Variants in ARL8B observed in about 807,000 individuals in gnomAD.
The protein encoded by ARL8B is ARF like GTPase 8B, also known as ADP-ribosylation factor-like protein 8B.
A neutral mutation model predicts 30.6 loss-of-function variants in ARL8B; 9 were observed. The observed-to-expected ratio is 0.29, with a 90% CI of 0.18 to 0.51. The LOEUF (loss-of-function observed/expected upper bound fraction) is 0.51. Among genes scored for constraint, ARL8B ranks in the 20% least tolerant of loss-of-function variants. ARL8B has a pLI of 0.97. For synonymous variants in ARL8B, 74 were observed against 76.0 expected (o/e 0.97, Z 0.14); for missense variants, 130 against 227.2 (o/e 0.57, Z 2.75).
chr3:5,139,434 GA>G (rs1033839728), intron 1 of ARL8B, among the ~76,000 whole-genome samples: 2 of 152,192 alleles, frequency 1.3e-5, no homozygotes, highest in Non-Finnish European at 2.9e-5. Context: ...CTTCCAGGTA[GA>G]AAAGAGCTGA....
intron 1 of ARL8B, among the ~76,000 whole-genome samples, chr3:5,127,675 C>G (rs2054241678): frequency 6.6e-6 from 1 of 151,972 alleles, no homozygotes; most frequent in South Asian, 2.1e-4. Flanking sequence ...AGATCAAGAC[C>G]ATCCTGGCTA....
At chr3:5,144,797 G>C (rs976146822) in intron 1 of ARL8B, among the ~76,000 whole-genome samples, 2 of 152,142 alleles carry the variant, frequency 1.3e-5, no homozygotes, top group Non-Finnish European at 2.9e-5. Flanking sequence ...GGCAACCTCT[G>C]CTGGAAGCTG....
chr3:5,135,880 A>G lies in ARL8B; in HGVS notation c.123+13292A>G, dbSNP rs562100297. ...TGGCTCACTGCAACCTCCACCTCCC[A>G]GGTTCACGCGATTCTCCTGTCTCAG... On this transcript the variant is annotated intron_variant, in intron 1 of 6. Coordinates refer to ENST00000256496, the MANE Select transcript of ARL8B (RefSeq NM_018184.3). Among the ~76,000 whole-genome samples the G allele has an allele frequency of 1.8e-4, 27 of 149,156 alleles. No homozygotes were observed. In the East Asian group the frequency reaches 5.2e-3, roughly 29 times the overall value.
At position 5,152,356 on chromosome 3, in the gene ARL8B, G is replaced by C. The variant is rs184277420; in HGVS notation, c.124-18147G>C. Among the ~76,000 whole-genome samples the C allele has an allele frequency of 1.9e-3, 294 of 152,032 alleles. 1 individual carries two copies. Among genetic ancestry groups the C allele is most frequent in the African/African-American group, 6.7e-3 (279 of 41,462 alleles). The stretch of plus-strand genomic sequence containing the variant: ...CTCTTTATCCTTGGTATATTTTCTT[G>C]CTTTGAAGTCGGCTTTTTCTTCTGA... On this transcript the variant is annotated intron_variant, in intron 1 of 6. Coordinates refer to ENST00000256496, the MANE Select transcript of ARL8B (RefSeq NM_018184.3).
Position 5,173,250 on chromosome 3 carries a change from A to C in ARL8B, c.372+510A>C, listed in dbSNP as rs142370601. ...GACAGTTGGAGGGGAAGAGAGTTCC[A>C]GGCAAAGGCCTTTGGGTGGGAGGAA... On this transcript the variant is annotated intron_variant, in intron 4 of 6. Coordinates refer to ENST00000256496, the MANE Select transcript of ARL8B (RefSeq NM_018184.3). Among the ~76,000 whole-genome samples, 103 of 152,340 alleles carry C rather than the reference A, an allele frequency of 6.8e-4. 1 individual carries two copies. Among genetic ancestry groups the C allele is most frequent in the African/African-American group, 2.4e-3 (101 of 41,584 alleles).
chr3:5,154,359 G>A (rs957438562), intron 1 of ARL8B, among the ~76,000 whole-genome samples: 29 of 124,598 alleles, frequency 2.3e-4, no homozygotes, highest in African/African-American at 1.1e-3. Flanking sequence ...TTTGAGACAG[G>A]GTCTCGCTGT....
rs901565194 is a variant in ARL8B at position 5,178,923 on chromosome 3, A to G, written c.*210A>G. The G allele has an allele frequency of 1.2e-6, 1 of 858,334 alleles. No individual in the cohort carries two copies. Among genetic ancestry groups the G allele is most frequent in the Non-Finnish European group, 1.6e-6 (1 of 609,868 alleles). 53.2% of individuals were successfully genotyped at this position (858,334 alleles called of 1,614,324 possible). ...TGTCATGATAAAGTCAGCACACACA[A>G]AAAGGCTTCTTACACATACCTGTCT... On this transcript the variant is annotated 3_prime_UTR_variant, in exon 7 of 7. Coordinates refer to ENST00000256496, the MANE Select transcript of ARL8B (RefSeq NM_018184.3).
intron 6 of ARL8B, 53 bp downstream of exon 6, chr3:5,174,467 C>G: frequency 8.6e-7 from 1 of 1,157,698 alleles, no homozygotes; most frequent in Non-Finnish European, 1.3e-6. Flanking sequence ...GAAGGAATGT[C>G]TATGCTTCTT....
chr3:5,164,227 T>G (rs2106567847), intron 1 of ARL8B, among the ~76,000 whole-genome samples: 1 of 152,358 alleles, frequency 6.6e-6, no homozygotes, highest in East Asian at 1.9e-4. Context: ...ACTTTAGTTA[T>G]AACTCTTCTA....
chr3:5,126,011 T>C (rs1258248870), intron 1 of ARL8B, among the ~76,000 whole-genome samples: 1 of 152,156 alleles, frequency 6.6e-6, no homozygotes, highest in East Asian at 1.9e-4. Flanking sequence ...CAATTATGAT[T>C]TGTCAATTAA....
rs756519543 is a variant in ARL8B, at chr3:5,180,257, T to A, written c.*1544T>A. On this transcript the variant is annotated 3_prime_UTR_variant, in exon 7 of 7. Coordinates refer to ENST00000256496, the MANE Select transcript of ARL8B (RefSeq NM_018184.3). ...TGCACTGTGTTGCACAGACACTACTTGCTTTTCTCCATTCATATTTTTATG... is the reference window on the plus strand; with the variant it reads ...TGCACTGTGTTGCACAGACACTACTAGCTTTTCTCCATTCATATTTTTATG... The A allele has an allele frequency of 2.0e-5, 3 of 152,668 alleles. No homozygotes were observed. Among genetic ancestry groups the A allele is most frequent in the Non-Finnish European group, 4.4e-5 (3 of 68,024 alleles). The allele number at this position is 152,668 out of a possible 1,614,324, so 9.5% of individuals were successfully genotyped here.
chr3:5,148,503 A>G (rs1327219771), intron 1 of ARL8B, among the ~76,000 whole-genome samples: 1 of 152,066 alleles, frequency 6.6e-6, no homozygotes, highest in African/African-American at 2.4e-5. Context: ...TTTCCTGTCC[A>G]CTATTTTGTG....
In ARL8B at chr3:5,174,402, A is replaced by G; in HGVS notation, c.499A>G (p.Lys167Glu). The change falls in exon 6 of 7, where the codon AAG becomes GAG. Residue 167 changes from lysine to glutamate, a missense_variant. Coordinates refer to ENST00000256496, the MANE Select transcript of ARL8B (RefSeq NM_018184.3). ...CTGCTATTCAATTTCTTGCAAAGAAAAGGATAATATAGGTAAGAAATGACT... is the reference window on the plus strand; with the variant it reads ...CTGCTATTCAATTTCTTGCAAAGAAGAGGATAATATAGGTAAGAAATGACT... Reference protein sequence around the residue: ...ICCYSISCKEKDNIDITLQWL... With the variant: ...ICCYSISCKEEDNIDITLQWL... The G allele has an allele frequency of 6.2e-7, 1 of 1,600,760 alleles. No homozygotes were observed. Among genetic ancestry groups the G allele is most frequent in the Non-Finnish European group, 8.6e-7 (1 of 1,168,276 alleles).
At chr3:5,137,880 G>A (rs1024947410) in intron 1 of ARL8B, among the ~76,000 whole-genome samples, 1 of 152,166 alleles carries the variant, frequency 6.6e-6, no homozygotes, top group Non-Finnish European at 1.5e-5. Flanking sequence ...GAGCCACTGT[G>A]CCTAGCCTGG....
rs1248381413 is a variant in ARL8B, at chr3:5,180,224, C to G, written c.*1511C>G. ...GCCATGGCCTTAAAAATATTCTGTA[C>G]AATATACTGCACTGTGTTGCACAGA... On this transcript the variant is annotated 3_prime_UTR_variant, in exon 7 of 7. Coordinates refer to ENST00000256496, the MANE Select transcript of ARL8B (RefSeq NM_018184.3). 1 of 152,626 alleles carries G rather than the reference C, an allele frequency of 6.6e-6. No homozygotes were observed. Among genetic ancestry groups the G allele is most frequent in the African/African-American group, 2.4e-5 (1 of 41,452 alleles). 9.5% of individuals were successfully genotyped at this position (152,626 alleles called of 1,614,324 possible). A position where few individuals can be genotyped will look rare whatever the true frequency, so the allele number is the denominator to read the frequency against.
chr3:5,140,019 C>T (rs1439213510), intron 1 of ARL8B, among the ~76,000 whole-genome samples: 1 of 139,210 alleles, frequency 7.2e-6, no homozygotes, highest in Non-Finnish European at 1.5e-5. Context: ...CGGAGTCTTG[C>T]TGTGTCGCCC....
rs755769192 is a variant in ARL8B at position 5,172,237 on chromosome 3, T to G, written c.278+14T>G. 3.1e-6 allele frequency: 5 copies of G among 1,601,934 alleles called. No homozygotes were observed. The East Asian group carries it at 6.7e-5, about 21-fold the overall frequency. On this transcript the variant is annotated intron_variant, in intron 3 of 6. Transcript: ENST00000256496. ...CAATGCTATTGTGTAAGTGGTTTTT[T>G]TTTGTTTGTTTGCTTTTAAATCAAT...
chr3:5,153,928 C>A, intron 1 of ARL8B, among the ~76,000 whole-genome samples: 1 of 148,998 alleles, frequency 6.7e-6, no homozygotes, highest in South Asian at 2.1e-4. Flanking sequence ...GACTGATAGT[C>A]TTTTTTTTTT....
intron 1 of ARL8B, among the ~76,000 whole-genome samples, chr3:5,148,076 G>T (rs773721324): frequency 1.4e-4 from 21 of 151,862 alleles, no homozygotes; most frequent in Non-Finnish European, 2.5e-4. Flanking sequence ...GCCTCTCCCA[G>T]ATGGTCATGG....
Sources: allele counts gnomAD v4.1 joint callset (sites outside exome capture counted in the v4.1 genomes callset), GRCh38; gene constraint gnomAD v4.1.1; transcripts MANE v1.5; gene names NCBI Gene and HGNC (gene_info 2026-07-23, HGNC 2026-07-21).